PGC: variants seen among roughly 807,000 people sequenced by gnomAD.
PGC encodes gastricsin.
A neutral mutation model predicts 45.9 loss-of-function variants in PGC; 31 were observed. The ratio of observed to expected loss-of-function variants is 0.67; its 90% CI spans 0.51 to 0.91. The LOEUF is 0.91. PGC is among the 40% of genes least tolerant of loss of function. PGC has a pLI of 0.00. For synonymous variants in PGC, 192 were observed against 201.8 expected (o/e 0.95, Z 0.41); for missense variants, 477 against 493.2 (o/e 0.97, Z 0.31).
intron 5 of PGC, chr6:41,741,838 A>T: frequency 6.5e-7 from 1 of 1,535,554 alleles, no homozygotes; most frequent in Non-Finnish European, 8.7e-7. Flanking sequence ...AGACTCCAGG[A>T]CCAGGCTAGA....
chr6:41,742,967 G>A (rs761206536), intron 4 of PGC, among the ~76,000 whole-genome samples: 5 of 152,128 alleles, frequency 3.3e-5, no homozygotes, highest in Non-Finnish European at 5.9e-5. Context: ...CCTCTCCTGC[G>A]TAGCCTTCCT....
intron 4 of PGC, among the ~76,000 whole-genome samples, chr6:41,742,760 G>A (rs896790473): frequency 6.6e-6 from 1 of 152,222 alleles, no homozygotes; most frequent in Non-Finnish European, 1.5e-5. Flanking sequence ...GAGTAGCTGG[G>A]ACTGCAGGCG....
At chr6:41,739,385 C>A (rs1043131924) in intron 7 of PGC, among the ~76,000 whole-genome samples, 1 of 152,178 alleles carries the variant, frequency 6.6e-6, no homozygotes, top group African/African-American at 2.4e-5. Context: ...GCCTCCAGCG[C>A]CTTGGGCAGA....
rs1378133764 is a variant in PGC, at chr6:41,736,907, T to C, written c.1112A>G (p.Tyr371Cys). The C allele has an allele frequency of 6.2e-7, 1 of 1,614,084 alleles. No homozygotes were observed. Among genetic ancestry groups the C allele is most frequent in the Non-Finnish European group, 8.5e-7 (1 of 1,180,000 alleles). The change falls in exon 9 of 9, where the codon TAC becomes TGC. Residue 371 changes from tyrosine to cysteine, a missense_variant. By Grantham distance (194) the Tyr-to-Cys change is radical (BLOSUM62 -2). Transcript: ENST00000373025. ...WILGDVFLRS[Y>C]YSVYDLGNNR... ...GTTGCCCAAGTCGTAGACGGAATAG[T>C]AGGACCTGAGGAAGACATCCCCGAG...
rs960129729 is a variant in PGC, at chr6:41,743,201, A to G, written c.447+70T>C. On this transcript the variant is annotated intron_variant, in intron 4 of 8. Coordinates refer to ENST00000373025, the MANE Select transcript of PGC (RefSeq NM_002630.4). ...CACTAGCATTCCACCGTGTTTCAGG[A>G]GAGTCCATCTAACTGTCCCCTCCAG... 4.3e-6 allele frequency: 4 copies of G among 920,654 alleles called. No individual in the cohort carries two copies. The African/African-American group carries it at 4.9e-5, about 11-fold the overall frequency. 57.0% of individuals were successfully genotyped at this position (920,654 alleles called of 1,614,324 possible).
intron 5 of PGC, chr6:41,741,161 A>C: frequency 6.5e-7 from 1 of 1,536,616 alleles, no homozygotes. Flanking sequence ...TGAAGGGGGT[A>C]AGGATATTCC....
At chr6:41,746,046 T>C (rs779943094) in intron 1 of PGC, among the ~76,000 whole-genome samples, 34 of 151,702 alleles carry the variant, frequency 2.2e-4, no homozygotes, top group African/African-American at 6.5e-4. Flanking sequence ...CCTGTAATCC[T>C]AGCTACTCGG....
intron 5 of PGC, 33 bp downstream of exon 5, chr6:41,742,257 C>T (rs371754656): frequency 3.2e-5 from 51 of 1,600,214 alleles, no homozygotes; most frequent in African/African-American, 2.4e-4. Context: ...GGGAGCATCC[C>T]GGGAGGTGGG....
Position 41,744,296 on chromosome 6 carries a change from C to T in PGC, c.328+101G>A, listed in dbSNP as rs1233281459. On this transcript the variant is annotated intron_variant, in intron 3 of 8. Coordinates refer to ENST00000373025, the MANE Select transcript of PGC (RefSeq NM_002630.4). The surrounding 1 kb of genome is among the most constrained non-coding windows in gnomAD (Gnocchi z 4.4). Reference sequence around the variant, plus strand: ...GTCCCTGGTCCTCCCCAGGACTGAGCTCCCCTCAGTCCTGAGCTCCCTCTG... The same window carrying T: ...GTCCCTGGTCCTCCCCAGGACTGAGTTCCCCTCAGTCCTGAGCTCCCTCTG... The T allele has an allele frequency of 5.3e-6, 4 of 752,338 alleles. No homozygotes were observed. The highest frequency in any genetic ancestry group is 4.5e-6 in the Non-Finnish European group (2 of 444,138). The allele number at this position is 752,338 out of a possible 1,614,324, so 46.6% of individuals were successfully genotyped here.
chr6:41,740,681 T>C, intron 5 of PGC, 71 bp from the exon 6 acceptor site: 6 of 1,522,102 alleles, frequency 3.9e-6, no homozygotes, highest in Non-Finnish European at 5.3e-6. Context: ...AGCAGTCACC[T>C]CCACAGGGAA....
intron 6 of PGC, 75 bp from the exon 7 acceptor site, chr6:41,740,021 G>A (rs1238676653): frequency 2.9e-5 from 39 of 1,330,504 alleles, no homozygotes; most frequent in Non-Finnish European, 4.0e-5. Context: ...CCCCACCACT[G>A]TGGGACAAAG....
At position 41,738,281 on chromosome 6, in the gene PGC, C is replaced by T. The variant is rs995720112; in HGVS notation, c.916-453G>A. On this transcript the variant is annotated intron_variant, in intron 7 of 8. Coordinates refer to ENST00000373025, the MANE Select transcript of PGC (RefSeq NM_002630.4). ...ATATATATGCACACACACACACACA[C>T]ACACATACACAGGCATGAGCCATGA... is the stretch of plus-strand genomic sequence containing the variant. 7.8e-5 allele frequency among the ~76,000 whole-genome samples: 10 copies of T among 128,784 alleles called. 1 individual carries two copies. The East Asian group carries it at 2.3e-3, about 29-fold the overall frequency. 84.5% of individuals were successfully genotyped at this position (128,784 alleles called of 152,430 possible).
At position 41,744,343 on chromosome 6, in the gene PGC, G is replaced by T; in HGVS notation, c.328+54C>A. On this transcript the variant is annotated intron_variant, in intron 3 of 8. Coordinates refer to ENST00000373025, the MANE Select transcript of PGC (RefSeq NM_002630.4). The surrounding 1 kb of genome is among the most constrained non-coding windows in gnomAD (Gnocchi z 4.4). ...TCTGGAAGTTTGGCCCTCCCCAGAG[G>T]GTATCAGTGCCTTGCCCTGCCAACC... is the stretch of plus-strand genomic sequence containing the variant. 1 of 1,294,212 alleles carries T rather than the reference G, an allele frequency of 7.7e-7. No homozygotes were observed. The allele number at this position is 1,294,212 out of a possible 1,614,324, so 80.2% of individuals were successfully genotyped here.
intron 7 of PGC, among the ~76,000 whole-genome samples, chr6:41,738,224 ATG>A (rs764212708): frequency 0.11 from 5,080 of 47,146 alleles, 388 homozygotes; most frequent in Admixed American, 0.15. Flanking sequence ...GCATATATAT[ATG>A]CATATATATA....
chr6:41,737,344 C>T (rs942565177), intron 8 of PGC, among the ~76,000 whole-genome samples: 3 of 152,184 alleles, frequency 2.0e-5, no homozygotes, highest in South Asian at 4.1e-4. Flanking sequence ...TTAGCTGTGT[C>T]GCCTTGAGTC....
chr6:41,741,111 G>A (rs887403954), intron 5 of PGC: 3 of 1,537,034 alleles, frequency 2.0e-6, no homozygotes, highest in Admixed American at 2.0e-5. Flanking sequence ...GGCCCAGCTT[G>A]TTACTTTTCT....
In PGC at chr6:41,744,794, T is replaced by A; in HGVS notation, c.74A>T (p.Lys25Ile). 6.2e-7 allele frequency: 1 copy of A among 1,614,064 alleles called. No homozygotes were observed. Among genetic ancestry groups the A allele is most frequent in the South Asian group, 1.1e-5 (1 of 91,040 alleles). Residue 25 changes from lysine (K) to isoleucine (I), a missense_variant, in exon 2 of 9, where the codon AAA (lysine) becomes ATA (isoleucine). Lys to Ile is a moderately radical substitution (Grantham distance 102). Transcript: ENST00000373025. The surrounding 1 kb of genome is among the most constrained non-coding windows in gnomAD (Gnocchi z 4.4). ...EAAVVKVPLKKFKSIRETMKE... is the reference protein window; with the variant it reads ...EAAVVKVPLKIFKSIRETMKE... ...CATGGTCTCACGGATAGACTTAAATTTCTTCAGGGGCACTCTACAGAAAGG... is the reference window on the plus strand; with the variant it reads ...CATGGTCTCACGGATAGACTTAAATATCTTCAGGGGCACTCTACAGAAAGG...
In PGC at chr6:41,736,856, G is replaced by A. The variant is rs898414908; in HGVS notation, c.1163C>T (p.Ala388Val). 1 of 1,614,026 alleles carries A rather than the reference G, an allele frequency of 6.2e-7. No individual in the cohort carries two copies. Among genetic ancestry groups the A allele is most frequent in the Non-Finnish European group, 8.5e-7 (1 of 1,180,036 alleles). Residue 388 changes from alanine to valine, a missense_variant, in exon 9 of 9, where the codon GCC becomes GTC. By Grantham distance (64) the Ala-to-Val change is moderately conservative (BLOSUM62 0). Coordinates refer to ENST00000373025, the MANE Select transcript of PGC (RefSeq NM_002630.4). ...CCACGTGTCGAGGCAGCAAGTCTAG[G>A]CGGCAGTGGCAAAGCCTACTCTGTT... ...GNNRVGFATA[A>V]
chr6:41,741,158 G>A, intron 5 of PGC: 1 of 1,536,810 alleles, frequency 6.5e-7, no homozygotes, highest in Non-Finnish European at 8.7e-7. Flanking sequence ...TGGTGAAGGG[G>A]GTAAGGATAT....
Sources: gnomAD v4.1 joint callset for allele counts (sites outside exome capture counted in the v4.1 genomes callset) on GRCh38, gnomAD v4.1.1 for gene constraint, Gnocchi (gnomAD v3.1) non-coding constraint, MANE v1.5 for transcripts, NCBI Gene and HGNC (gene_info 2026-07-23, HGNC 2026-07-21) for gene names.